CCDC7: variants seen among roughly 807,000 people sequenced by gnomAD.
CCDC7 encodes coiled-coil domain containing 7, also known as coiled-coil domain-containing protein 7.
A neutral mutation model predicts 196.9 loss-of-function variants in CCDC7; 183 were observed. The observed-to-expected ratio is 0.93, with a 90% CI of 0.82 to 1.05. The LOEUF (loss-of-function observed/expected upper bound fraction) is 1.05, where lower values mean the gene tolerates loss of function less well. CCDC7 is among the 50% of genes least tolerant of loss of function. The probability of loss-of-function intolerance (pLI) is 0.00; values close to 1 mark genes in which losing one functional copy is unlikely to be tolerated. For missense variants in CCDC7, 1,540 were observed against 1,482.2 expected (o/e 1.04, Z -0.64); for synonymous variants, 525 against 484.6 (o/e 1.08, Z -1.10).
intron 28 of CCDC7, among the ~76,000 whole-genome samples, chr10:32,771,679 G>A (rs1363590350): frequency 6.6e-6 from 1 of 152,144 alleles, no homozygotes; most frequent in Non-Finnish European, 1.5e-5. Context: ...TTTAATGGGG[G>A]TGGCAGGAGA....
rs2078425353 is a variant in CCDC7 at position 32,700,121 on chromosome 10, TC to T, written c.2458+5131del. Among the ~76,000 whole-genome samples the T allele has an allele frequency of 1.3e-5, 2 of 149,570 alleles. 1 individual carries two copies. The highest frequency in any genetic ancestry group is 1.3e-4 in the Admixed American group (2 of 15,208). ...TGCTTTTGGTGTTTTAGACATGAAG[TC>T]CTTGCCCATGCCTATGTCCTGAATG... On this transcript the variant is annotated intron_variant, in intron 24 of 41. Coordinates refer to ENST00000639629, the Ensembl canonical transcript of CCDC7.
chr10:32,688,901 C>A, intron 22 of CCDC7, 152 bp from the exon 24 acceptor site: 3 of 586,990 alleles, frequency 5.1e-6, no homozygotes, highest in Non-Finnish European at 9.2e-6. Context: ...ACTCTTCTCA[C>A]CATTTTCATA....
intron 20 of CCDC7, among the ~76,000 whole-genome samples, chr10:32,652,212 A>G (rs1020734128): frequency 1.2e-4 from 18 of 152,080 alleles, no homozygotes; most frequent in Non-Finnish European, 1.5e-5. Context: ...AGTGTATTTT[A>G]TCTCATATAA....
intron 24 of CCDC7, among the ~76,000 whole-genome samples, chr10:32,698,422 TCGAAC>T (rs1306036815): frequency 6.6e-6 from 1 of 152,008 alleles, no homozygotes; most frequent in Non-Finnish European, 1.5e-5. Context: ...AGGAGGATGC[TCGAAC>T]CCATTGCAAG....
chr10:32,612,597 A>G (rs1270203820), intron 18 of CCDC7, among the ~76,000 whole-genome samples: 1 of 152,170 alleles, frequency 6.6e-6, no homozygotes, highest in Non-Finnish European at 1.5e-5. Context: ...CATTCCATCC[A>G]TACCTAGTTT....
chr10:32,719,438 G>A (rs2082080201), intron 25 of CCDC7, among the ~76,000 whole-genome samples: 2 of 152,076 alleles, frequency 1.3e-5, no homozygotes, highest in South Asian at 2.1e-4. Flanking sequence ...GAAAACCTAG[G>A]CAATACCATT....
intron 5 of CCDC7, among the ~76,000 whole-genome samples, chr10:32,469,347 G>A (rs893943246): frequency 6.6e-6 from 1 of 152,214 alleles, no homozygotes; most frequent in Non-Finnish European, 1.5e-5. Context: ...TCCTAGGATG[G>A]AATCAGAATA....
In CCDC7 at chr10:32,728,941, C is replaced by A; in HGVS notation, c.2723C>A (p.Ser908Ter). ...ATTTCTGTTCATCAAGATTCAAAGT[C>A]AAAACTCCAAATGCAAGAAAAGAAA... The change falls in exon 27 of 42, where the codon TCA becomes TAA. Residue 908 changes from serine to a stop codon, truncating the protein, a stop_gained. Coordinates refer to ENST00000639629, the Ensembl canonical transcript of CCDC7. LOFTEE classifies it high-confidence loss of function. The A allele has an allele frequency of 1.2e-6, 2 of 1,609,404 alleles. No individual in the cohort carries two copies. Among genetic ancestry groups the A allele is most frequent in the South Asian group, 2.2e-5 (2 of 90,622 alleles).
At chr10:32,881,732 G>C (rs945718877), downstream of CCDC7, among the ~76,000 whole-genome samples, 4 of 150,966 alleles carry the variant, frequency 2.6e-5, no homozygotes, top group Non-Finnish European at 5.9e-5. Flanking sequence ...TTCTTTACCC[G>C]CCCCCCACAC....
chr10:32,564,604 G>A (rs1444303173), intron 13 of CCDC7, among the ~76,000 whole-genome samples: 4 of 145,338 alleles, frequency 2.8e-5, no homozygotes, highest in South Asian at 2.2e-4. Context: ...TGAACAATGA[G>A]AACACATGGA....
intron 8 of CCDC7, among the ~76,000 whole-genome samples, chr10:32,480,258 A>G (rs182501436): frequency 9.6e-4 from 143 of 148,220 alleles, no homozygotes; most frequent in African/African-American, 3.3e-3. Context: ...TTCTTTTTCT[A>G]GTTCCTTGAG....
chr10:32,619,920 T>G (rs1250454440), intron 18 of CCDC7, among the ~76,000 whole-genome samples: 1 of 37,680 alleles, frequency 2.7e-5, no homozygotes, highest in Non-Finnish European at 1.4e-4. Flanking sequence ...CTTTTTTTTT[T>G]TTTTTTTTTT....
chr10:32,845,182 A>C (rs1301499860), intron 33 of CCDC7, 61 bp from the exon 35 acceptor site: 3 of 984,624 alleles, frequency 3.0e-6, no homozygotes, highest in African/African-American at 3.3e-5. Flanking sequence ...ACACATACAC[A>C]TACTCAGATT....
At chr10:32,466,309 G>C (rs1348497607) in intron 5 of CCDC7, among the ~76,000 whole-genome samples, 1 of 141,846 alleles carries the variant, frequency 7.0e-6, no homozygotes, top group Admixed American at 7.2e-5. Context: ...TACATGTATA[G>C]GTTTGTTATT....
Position 32,729,317 on chromosome 10 carries a change from T to C in CCDC7, c.2780-15T>C, listed in dbSNP as rs755373160. On this transcript the variant is annotated splice_polypyrimidine_tract_variant and intron_variant, in intron 27 of 41. Coordinates refer to ENST00000639629, the Ensembl canonical transcript of CCDC7. ...ATCCAGAAGTTCTATTGCACATCTA[T>C]TTTTTTCTATTTAGCGTTTCCTTTA... is the stretch of plus-strand genomic sequence containing the variant. 5.2e-6 allele frequency: 8 copies of C among 1,543,854 alleles called. No homozygotes were observed. The highest frequency in any genetic ancestry group is 7.0e-6 in the Non-Finnish European group (8 of 1,145,636).
intron 32 of CCDC7, among the ~76,000 whole-genome samples, chr10:32,830,559 T>A (rs192348886): frequency 2.0e-5 from 3 of 152,092 alleles, no homozygotes; most frequent in Non-Finnish European, 2.9e-5. Flanking sequence ...ATGATGAGAA[T>A]GTCTCACCGA....
At chr10:32,628,253 G>T (rs2064333831) in intron 18 of CCDC7, among the ~76,000 whole-genome samples, 1 of 151,702 alleles carries the variant, frequency 6.6e-6, no homozygotes, top group African/African-American at 2.4e-5. Flanking sequence ...AATCTTGCTT[G>T]GTTGTATGTT....
At chr10:32,863,494 A>AATTTGGT (rs2094083720) in intron 41 of CCDC7, among the ~76,000 whole-genome samples, 1 of 151,984 alleles carries the variant, frequency 6.6e-6, no homozygotes, top group Non-Finnish European at 1.5e-5. Context: ...CTAAGACTAC[A>AATTTGGT]GGTGCACACC....
chr10:32,605,795 G>A (rs189342748), intron 18 of CCDC7, among the ~76,000 whole-genome samples: 2 of 152,192 alleles, frequency 1.3e-5, no homozygotes, highest in East Asian at 3.9e-4. Flanking sequence ...ATATTTAAAA[G>A]GGAAGCAGAG....
Sources: allele counts gnomAD v4.1 joint callset (sites outside exome capture counted in the v4.1 genomes callset), GRCh38; gene constraint gnomAD v4.1.1; transcripts MANE v1.5; gene names NCBI Gene and HGNC (gene_info 2026-07-23, HGNC 2026-07-21).